The following CUX2 variants were observed in gnomAD, a reference collection of about 807,000 sequenced individuals.
CUX2 encodes cut like homeobox 2.
Under a neutral mutation model 144.8 loss-of-function variants are expected in CUX2, and 40 were observed. That is an observed-to-expected ratio of 0.28 (90% confidence interval 0.21 to 0.36). The LOEUF is 0.36. CUX2 is among the 10% of genes least tolerant of loss of function. The pLI is 1.00. For synonymous variants in CUX2, 827 were observed against 875.6 expected (o/e 0.94, Z 0.98); for missense variants, 1,615 against 1,994.0 (o/e 0.81, Z 3.62).
intron 1 of CUX2, among the ~76,000 whole-genome samples, chr12:111,148,120 A>G (rs1876812874): frequency 1.3e-5 from 2 of 152,222 alleles, no homozygotes. Flanking sequence ...AAAGGGTGTA[A>G]GTAACCCAGG....
rs755724511 is a variant in CUX2 at position 111,310,420 on chromosome 12, C to T, written c.1638C>T (p.Pro546=). Residue 546 remains proline (P), a synonymous_variant, in exon 15 of 22, where the codon CCC becomes CCT. Transcript: ENST00000261726. This position sits in a 1 kb window ranked among gnomAD's most constrained non-coding sequence, Gnocchi z 7.9. ...ADGGGGGAAG[P]GAEEEQLDTA... is the part of the protein sequence containing the mutation. The stretch of plus-strand genomic sequence containing the variant: ...GTGGTGGGGGCGGAGCGGCGGGGCC[C>T]GGGGCAGAGGAGGAGCAGCTGGACA... 2.9e-5 allele frequency: 47 copies of T among 1,611,658 alleles called. No individual in the cohort carries two copies. Among genetic ancestry groups the T allele is most frequent in the Non-Finnish European group, 3.9e-5 (46 of 1,179,310 alleles).
rs974554264 is a variant in CUX2, at chr12:111,068,243, C to T, written c.63+34003C>T. On this transcript the variant is annotated intron_variant, in intron 1 of 21. Transcript: ENST00000261726. The surrounding 1 kb of genome is among the most constrained non-coding windows in gnomAD (Gnocchi z 4.9). ...CAAATGCCACTTTTTCTAATTTTGC[C>T]GGAGTTGCCCTCCCCACTTTCCCTC... 4.6e-5 allele frequency among the ~76,000 whole-genome samples: 7 copies of T among 151,990 alleles called. No homozygotes were observed. The highest frequency in any genetic ancestry group is 1.7e-4 in the African/African-American group (7 of 41,360).
At chr12:111,042,260 T>C (rs1321663166) in intron 1 of CUX2, among the ~76,000 whole-genome samples, 4 of 152,016 alleles carry the variant, frequency 2.6e-5, no homozygotes, top group Admixed American at 2.0e-4. Context: ...GTGTGGACTG[T>C]GGGTGTTGCG....
chr12:111,303,619 AGAGT>A (rs1446317651), intron 9 of CUX2, among the ~76,000 whole-genome samples: 1 of 151,064 alleles, frequency 6.6e-6, no homozygotes, highest in African/African-American at 2.4e-5. Context: ...CTGGGTGACA[AGAGT>A]GAGACTCCAT....
intron 1 of CUX2, among the ~76,000 whole-genome samples, chr12:111,180,204 C>A (rs752335741): frequency 3.6e-4 from 55 of 152,044 alleles, no homozygotes; most frequent in Non-Finnish European, 6.9e-4. Flanking sequence ...ACCCTCCACA[C>A]CCCTGACTGG....
intron 1 of CUX2, among the ~76,000 whole-genome samples, chr12:111,080,531 T>C (rs1315780778): frequency 1.3e-5 from 2 of 148,498 alleles, no homozygotes; most frequent in Non-Finnish European, 3.0e-5. Context: ...AAAAAAAAAA[T>C]AGCCAGGCAT....
chr12:111,198,078 GTTTTA>G (rs1301555769), intron 1 of CUX2, among the ~76,000 whole-genome samples: 2 of 151,936 alleles, frequency 1.3e-5, no homozygotes, highest in Non-Finnish European at 2.9e-5. Context: ...TAATTTTTTT[GTTTTA>G]TTTATGTGAA....
chr12:111,273,785 T>G (rs183212290), intron 4 of CUX2, among the ~76,000 whole-genome samples: 118 of 152,270 alleles, frequency 7.7e-4, no homozygotes, highest in Non-Finnish European at 9.1e-4. Flanking sequence ...ACATCACACT[T>G]GACTTCTCCG....
intron 1 of CUX2, among the ~76,000 whole-genome samples, chr12:111,073,635 C>T (rs980339845): frequency 3.9e-5 from 6 of 151,986 alleles, no homozygotes; most frequent in Non-Finnish European, 7.3e-5. Flanking sequence ...CTACTCAGTG[C>T]GATAGCATCT....
At chr12:111,249,429 A>T (rs1372228051) in intron 3 of CUX2, among the ~76,000 whole-genome samples, 12 of 129,362 alleles carry the variant, frequency 9.3e-5, no homozygotes, top group South Asian at 2.5e-4. Context: ...TTTTTAAATT[A>T]ATAGACCCTT....
intron 1 of CUX2, among the ~76,000 whole-genome samples, chr12:111,108,671 C>T (rs1196617657): frequency 6.6e-6 from 1 of 151,190 alleles, no homozygotes; most frequent in Non-Finnish European, 1.5e-5. Flanking sequence ...CACCCCATCT[C>T]CCCTCTCTGT....
intron 8 of CUX2, among the ~76,000 whole-genome samples, chr12:111,296,850 A>T (rs1349143502): frequency 3.0e-5 from 2 of 65,924 alleles, no homozygotes; most frequent in South Asian, 7.2e-4. Context: ...ACTTGCCTCC[A>T]CCCTCTGGCC....
intron 1 of CUX2, among the ~76,000 whole-genome samples, chr12:111,141,031 T>G (rs899372934): frequency 1.3e-5 from 2 of 151,846 alleles, no homozygotes; most frequent in African/African-American, 4.8e-5. Context: ...CCACCAAACT[T>G]TGAGATGAAG....
chr12:111,043,188 C>T (rs1327946831), intron 1 of CUX2, among the ~76,000 whole-genome samples: 2 of 152,086 alleles, frequency 1.3e-5, no homozygotes, highest in Admixed American at 6.5e-5. Context: ...GGCCATGGGA[C>T]GAGTGGATGC....
chr12:111,139,825 C>A (rs1477463879), intron 1 of CUX2, among the ~76,000 whole-genome samples: 1 of 152,170 alleles, frequency 6.6e-6, no homozygotes, highest in Non-Finnish European at 1.5e-5. Flanking sequence ...AGGTGGTGGA[C>A]CCACCTTCAC....
At chr12:111,135,423 G>A (rs1198262706) in intron 1 of CUX2, among the ~76,000 whole-genome samples, 3 of 152,142 alleles carry the variant, frequency 2.0e-5, no homozygotes, top group African/African-American at 7.2e-5. Context: ...CAGTTTGATG[G>A]TTTCTCAGTA....
chr12:111,112,575 G>A (rs1260070547), intron 1 of CUX2, among the ~76,000 whole-genome samples: 1 of 152,078 alleles, frequency 6.6e-6, no homozygotes, highest in African/African-American at 2.4e-5. Flanking sequence ...GGACGTGGGG[G>A]GAACTTTTGG....
intron 20 of CUX2, among the ~76,000 whole-genome samples, chr12:111,341,471 G>C (rs924969180): frequency 2.6e-4 from 40 of 152,172 alleles, no homozygotes; most frequent in African/African-American, 8.4e-4. Flanking sequence ...TACAAAAACA[G>C]AGAGAATACT....
chr12:111,289,046 A>T lies in CUX2; in HGVS notation c.302-2372A>T, dbSNP rs2339719. Among the ~76,000 whole-genome samples the T allele has an allele frequency of 0.29, 44,003 of 151,844 alleles. 8,781 individuals are homozygous for T. The highest frequency in any genetic ancestry group is 0.86 in the East Asian group (4,448 of 5,176). On this transcript the variant is annotated intron_variant, in intron 4 of 21. Coordinates refer to ENST00000261726, the MANE Select transcript of CUX2 (RefSeq NM_015267.4). This position sits in a 1 kb window ranked among gnomAD's most constrained non-coding sequence, Gnocchi z 4.1. ...GCTGAGTCAGGAACATAGCTTGAAC[A>T]TGGGAGGCAGAGATTGCAATGAGCT... is the stretch of plus-strand genomic sequence containing the variant.
Sources: gnomAD v4.1 joint callset for allele counts (sites outside exome capture counted in the v4.1 genomes callset) on GRCh38, gnomAD v4.1.1 for gene constraint, Gnocchi (gnomAD v3.1) non-coding constraint, MANE v1.5 for transcripts, NCBI Gene and HGNC (gene_info 2026-07-23, HGNC 2026-07-21) for gene names.